PPHLN1: variants seen among roughly 807,000 people sequenced by gnomAD.
PPHLN1 encodes periphilin 1, also known as periphilin-1.
PPHLN1 carries 29 observed loss-of-function variants against 51.3 expected under a neutral mutation model. The ratio of observed to expected loss-of-function variants is 0.57; its 90% CI spans 0.42 to 0.77. The LOEUF is 0.77. Among genes scored for constraint, PPHLN1 ranks in the 30% least tolerant of loss-of-function variants. PPHLN1 has a pLI of 0.00. For synonymous variants in PPHLN1, 147 were observed against 147.8 expected, an observed-to-expected ratio of 0.99 and a Z score of 0.04; for missense variants, 436 against 438.4, an observed-to-expected ratio of 0.99 and a Z score of 0.05.
chr12:42,341,661 C>T (rs972911724), intron 2 of PPHLN1, among the ~76,000 whole-genome samples: 4 of 152,062 alleles, frequency 2.6e-5, no homozygotes, highest in Admixed American at 1.3e-4. Flanking sequence ...CTGGCTCTAT[C>T]GCCCAGGCTG....
rs2078545430 is a variant in PPHLN1, at chr12:42,398,973, A to G, written c.888A>G (p.Ser296=). 2.5e-6 allele frequency: 4 copies of G among 1,613,876 alleles called. No homozygotes were observed. The East Asian group carries it at 8.9e-5, about 36-fold the overall frequency. The change falls in exon 9 of 10, where the codon TCA becomes TCG. Residue 296 remains serine, a synonymous_variant. Transcript: ENST00000358314. ...QLTTRSKAIA[S]KTKEIEQVYR... ...CCACTCGCTCTAAAGCAATAGCATC[A>G]AAAACCAAAGAGATTGAACAGGTGA... is the stretch of plus-strand genomic sequence containing the variant.
intron 9 of PPHLN1, among the ~76,000 whole-genome samples, chr12:42,417,870 T>G (rs2080542052): frequency 6.7e-6 from 1 of 149,454 alleles, no homozygotes; most frequent in South Asian, 2.1e-4. Flanking sequence ...TCAGCTGAAC[T>G]ATTGATCATA....
intron 9 of PPHLN1, among the ~76,000 whole-genome samples, chr12:42,426,378 CTA>C (rs1354063467): frequency 2.6e-5 from 4 of 152,058 alleles, no homozygotes; most frequent in African/African-American, 9.7e-5. Context: ...GGCTTCATTT[CTA>C]TTTTGGATTT....
chr12:42,423,450 G>GA (rs1180420654), intron 9 of PPHLN1, among the ~76,000 whole-genome samples: 4 of 152,024 alleles, frequency 2.6e-5, no homozygotes, highest in African/African-American at 9.7e-5. Flanking sequence ...CTTCTGGAAA[G>GA]AAAAAACGCA....
intron 4 of PPHLN1, among the ~76,000 whole-genome samples, chr12:42,370,930 C>T (rs901414214): frequency 1.6e-4 from 25 of 151,922 alleles, no homozygotes; most frequent in African/African-American, 5.8e-4. Context: ...CTTAGCCTCC[C>T]GAATAGCTGG....
intron 9 of PPHLN1, among the ~76,000 whole-genome samples, chr12:42,430,286 C>CA (rs2081922895): frequency 1.3e-5 from 2 of 152,092 alleles, no homozygotes; most frequent in South Asian, 4.1e-4. Flanking sequence ...GTCACACACA[C>CA]ACACACACAC....
chr12:42,391,942 C>T (rs2077754851), intron 7 of PPHLN1, among the ~76,000 whole-genome samples: 1 of 152,118 alleles, frequency 6.6e-6, no homozygotes, highest in Non-Finnish European at 1.5e-5. Flanking sequence ...CTAAGCCAGG[C>T]ACGTTGGCTC....
chr12:42,446,124 G>A (rs543940866), downstream of PPHLN1: 29 of 1,566,814 alleles, frequency 1.9e-5, no homozygotes, highest in African/African-American at 2.7e-5. Context: ...CGGGTTCGTC[G>A]GACGACACAG....
intron 4 of PPHLN1, among the ~76,000 whole-genome samples, chr12:42,370,003 C>A (rs182971439): frequency 2.0e-5 from 3 of 152,306 alleles, no homozygotes; most frequent in Non-Finnish European, 4.4e-5. Flanking sequence ...CTTTATATAT[C>A]CACAGGCATG....
Position 42,375,021 on chromosome 12 carries a change from GCTACT to G in PPHLN1, c.461_465del (p.Tyr154SerfsTer15). Reference sequence around the variant, plus strand: ...TCTGGTTCCAGTGTCAGTAGCAGAAGCTACTCTCCAGAAAGGAGCAAATCATACTC... The same window carrying G: ...TCTGGTTCCAGTGTCAGTAGCAGAAGCTCCAGAAAGGAGCAAATCATACTC... On this transcript the variant is annotated frameshift_variant, in exon 5 of 10. Transcript: ENST00000358314. LOFTEE classifies it high-confidence loss of function. The G allele has an allele frequency of 6.2e-7, 1 of 1,613,858 alleles. No individual in the cohort carries two copies. Among genetic ancestry groups the G allele is most frequent in the Non-Finnish European group, 8.5e-7 (1 of 1,179,932 alleles).
downstream of PPHLN1, chr12:42,447,318 GCTGTGTTAAT>G (rs1206289872): frequency 6.6e-6 from 1 of 152,192 alleles, no homozygotes; most frequent in African/African-American, 2.4e-5. Flanking sequence ...GCAGATTATT[GCTGTGTTAAT>G]CTCTGTAGTC....
At chr12:42,357,005 T>G (rs2074116775) in intron 4 of PPHLN1, among the ~76,000 whole-genome samples, 1 of 152,176 alleles carries the variant, frequency 6.6e-6, no homozygotes, top group African/African-American at 2.4e-5. Context: ...CAGCATAAAT[T>G]AGAAAATTTG....
chr12:42,419,710 A>G (rs552197155), intron 9 of PPHLN1, among the ~76,000 whole-genome samples: 1 of 152,352 alleles, frequency 6.6e-6, no homozygotes, highest in South Asian at 2.1e-4. Context: ...AAAATAACTT[A>G]TACCTGTGGT....
chr12:42,396,705 A>G (rs540105859), intron 8 of PPHLN1, among the ~76,000 whole-genome samples: 1 of 146,302 alleles, frequency 6.8e-6, no homozygotes, highest in African/African-American at 2.5e-5. Context: ...TGGGAGGATC[A>G]CTTGAGCCCA....
At chr12:42,348,276 ATTT>A (rs1213561958) in intron 2 of PPHLN1, among the ~76,000 whole-genome samples, 12 of 85,608 alleles carry the variant, frequency 1.4e-4, no homozygotes, top group Admixed American at 5.9e-4. Context: ...CACCTGGCTA[ATTT>A]TTTTTTTTTT....
chr12:42,353,300 A>G (rs554511138), intron 3 of PPHLN1, among the ~76,000 whole-genome samples: 16 of 152,108 alleles, frequency 1.1e-4, no homozygotes, highest in Admixed American at 5.9e-4. Flanking sequence ...CCCCTTTCCT[A>G]CTGTATAATA....
intron 1 of PPHLN1, among the ~76,000 whole-genome samples, chr12:42,327,375 C>T (rs2137579753): frequency 6.6e-6 from 1 of 152,308 alleles, no homozygotes; most frequent in South Asian, 2.1e-4. Flanking sequence ...TTCAGTTGAG[C>T]CCTTTCTCTG....
At chr12:42,422,107 A>G (rs1565999450) in intron 9 of PPHLN1, among the ~76,000 whole-genome samples, 1 of 152,222 alleles carries the variant, frequency 6.6e-6, no homozygotes, top group East Asian at 1.9e-4. Context: ...GTACCTCTAA[A>G]GGCATGTAAT....
chr12:42,409,055 AAAT>A (rs1370307894), intron 9 of PPHLN1, among the ~76,000 whole-genome samples: 1 of 152,216 alleles, frequency 6.6e-6, no homozygotes, highest in Non-Finnish European at 1.5e-5. Context: ...AGAAGTATTA[AAAT>A]AATGTAAAAC....
Sources: gnomAD v4.1 joint callset for allele counts (sites outside exome capture counted in the v4.1 genomes callset) on GRCh38, gnomAD v4.1.1 for gene constraint, MANE v1.5 for transcripts, NCBI Gene and HGNC (gene_info 2026-07-23, HGNC 2026-07-21) for gene names.